The following GPR35 variants were observed in gnomAD, a reference collection of about 807,000 sequenced individuals.
The protein encoded by GPR35 is G protein-coupled receptor 35.
For synonymous variants in GPR35, 207 were observed against 198.4 expected, an observed-to-expected ratio of 1.04 and a Z score of -0.36; for missense variants, 372 against 422.5, an observed-to-expected ratio of 0.88 and a Z score of 1.05.
chr2:240,631,211 C>T lies in GPR35; in HGVS notation c.*329C>T, dbSNP rs545096104. 227 of 352,150 alleles carry T rather than the reference C, an allele frequency of 6.4e-4. No individual in the cohort carries two copies. The highest frequency in any genetic ancestry group is 9.5e-4 in the Non-Finnish European group (174 of 183,700). 21.8% of individuals were successfully genotyped at this position (352,150 alleles called of 1,614,324 possible). A position where few individuals can be genotyped will look rare whatever the true frequency, so the allele number is the denominator to read the frequency against. ...AGGGTGCAGCCTTGATGACACCTGC[C>T]GCTGCCCCTCGGGGCTGGAATAAAA... On this transcript the variant is annotated 3_prime_UTR_variant, in exon 2 of 2. Transcript: ENST00000407714.
chr2:240,630,325 C>T lies in GPR35; in HGVS notation c.373C>T (p.Arg125Cys), dbSNP rs34778053. The T allele has an allele frequency of 7.5e-5, 119 of 1,592,982 alleles. No homozygotes were observed. Among genetic ancestry groups the T allele is most frequent in the Middle Eastern group, 5.0e-4 (3 of 5,996 alleles). ...YVAVRHPLRA[R>C]GLRSPRQAAA... is the part of the protein sequence containing the mutation. Reference sequence around the variant, plus strand: ...GGCCGTGCGGCACCCGCTGCGTGCCCGCGGGCTGCGGTCCCCCAGGCAGGC... The same window carrying T: ...GGCCGTGCGGCACCCGCTGCGTGCCTGCGGGCTGCGGTCCCCCAGGCAGGC... Residue 125 changes from arginine (R) to cysteine (C), a missense_variant, in exon 2 of 2, where the codon CGC (arginine) becomes TGC (cysteine). Transcript: ENST00000407714.
chr2:240,616,894 A>G (rs1420528386), intron 3 of GPR35: 1 of 749,112 alleles, frequency 1.3e-6, no homozygotes, highest in Non-Finnish European at 2.5e-6. Flanking sequence ...AGGCATGGCC[A>G]GTAAGGAACT....
chr2:240,623,354 CAGGTCGTGA>C (rs1213602685), upstream of GPR35, among the ~76,000 whole-genome samples: 1 of 138,276 alleles, frequency 7.2e-6, no homozygotes, highest in Admixed American at 7.1e-5. Context: ...AGGGCGCAAA[CAGGTCGTGA>C]GGGCGCAAAC....
intron 2 of GPR35, among the ~76,000 whole-genome samples, chr2:240,609,943 C>G (rs558967825): frequency 2.0e-5 from 3 of 151,782 alleles, no homozygotes; most frequent in African/African-American, 7.2e-5. Flanking sequence ...ATGAATTGAC[C>G]CTTTTTTCAT....
rs141407998 is a variant in GPR35, at chr2:240,630,210, G to A, written c.258G>A (p.Thr86=). The part of the protein sequence containing the change: ...VLHSLRDTSD[T]PLCQLSQGIY... The stretch of plus-strand genomic sequence containing the variant: ...ACTCCCTGCGAGACACCTCAGACAC[G>A]CCGCTGTGCCAGCTCTCCCAGGGCA... The change falls in exon 2 of 2, where the codon ACG becomes ACA. Residue 86 remains threonine, a synonymous_variant. Transcript: ENST00000407714. 3.2e-5 allele frequency: 51 copies of A among 1,573,520 alleles called. No homozygotes were observed. Among genetic ancestry groups the A allele is most frequent in the Admixed American group, 6.8e-5 (4 of 59,076 alleles).
At chr2:240,622,736 T>TC (rs1254865310), upstream of GPR35, among the ~76,000 whole-genome samples, 1 of 152,076 alleles carries the variant, frequency 6.6e-6, no homozygotes, top group Non-Finnish European at 1.5e-5. Context: ...GCTCCTCGCG[T>TC]CACACATACA....
chr2:240,624,322 G>A (rs4676410), upstream of GPR35, among the ~76,000 whole-genome samples: 39,255 of 152,026 alleles, frequency 0.26, 5,465 homozygotes, highest in Admixed American at 0.36. Context: ...ACCCAAGGGC[G>A]CACACTGGGG....
At chr2:240,627,246 G>A (rs1416553959) in intron 1 of GPR35, among the ~76,000 whole-genome samples, 1 of 152,210 alleles carries the variant, frequency 6.6e-6, no homozygotes, top group African/African-American at 2.4e-5. Context: ...TGCTGGCCAT[G>A]TTAGCTCCCA....
chr2:240,629,415 G>A (rs1228004321), intron 1 of GPR35: 1 of 154,620 alleles, frequency 6.5e-6, no homozygotes, highest in Non-Finnish European at 1.4e-5. Flanking sequence ...TCTGCTGTGG[G>A]GAAGGGCTGA....
At chr2:240,611,654 T>G (rs942255295) in intron 2 of GPR35, among the ~76,000 whole-genome samples, 2 of 152,014 alleles carry the variant, frequency 1.3e-5, no homozygotes, top group Non-Finnish European at 2.9e-5. Flanking sequence ...GAAGATTAGT[T>G]TGGGGAGTGA....
intron 1 of GPR35, among the ~76,000 whole-genome samples, chr2:240,626,045 T>C (rs974793225): frequency 3.7e-3 from 22 of 5,986 alleles, no homozygotes; most frequent in African/African-American, 5.5e-3. Context: ...GGTCTCAGAG[T>C]GGGGTGAGGC....
At chr2:240,616,472 T>A (rs758634561) in exon 3 of GPR35, 3 of 780,872 alleles carry the variant, frequency 3.8e-6, no homozygotes, top group Admixed American at 3.4e-5. Context: ...GCCAATCTCC[T>A]GTCGACTGCG....
rs2043439068 is a variant in GPR35, at chr2:240,630,854, A to G, written c.902A>G (p.Gln301Arg). 1.2e-6 allele frequency: 2 copies of G among 1,612,888 alleles called. No homozygotes were observed. Among genetic ancestry groups the G allele is most frequent in the Non-Finnish European group, 1.7e-6 (2 of 1,179,940 alleles). The stretch of plus-strand genomic sequence containing the variant: ...CCCAGTGCTAAGGCCCACAAAAGCC[A>G]GGACTCTCTGTGCGTGACCCTCGCC... ...VAPSAKAHKS[Q>R]DSLCVTLA Residue 301 changes from glutamine to arginine, a missense_variant, in exon 2 of 2, where the codon CAG becomes CGG. Transcript: ENST00000407714.
Position 240,630,623 on chromosome 2 carries a change from T to C in GPR35, c.671T>C (p.Leu224Pro), listed in dbSNP as rs768941519. ...KAARMVWANL[L>P]VFVVCFLPLH... ...GCCCGCATGGTCTGGGCCAACCTCC[T>C]GGTGTTCGTGGTCTGCTTCCTGCCC... The change falls in exon 2 of 2, where the codon CTG (leucine) becomes CCG (proline). Residue 224 changes from leucine (L) to proline (P), a missense_variant. Physicochemically the swap from Leu to Pro is moderately conservative, Grantham distance 98. Transcript: ENST00000407714. 3 of 1,612,926 alleles carry C rather than the reference T, an allele frequency of 1.9e-6. No homozygotes were observed. Among genetic ancestry groups the C allele is most frequent in the East Asian group, 2.2e-5 (1 of 44,880 alleles).
intron 3 of GPR35, chr2:240,616,533 C>T: frequency 1.3e-6 from 1 of 777,046 alleles, no homozygotes; most frequent in South Asian, 1.3e-5. Context: ...GGTTTTTTGA[C>T]AAGCCCACTT....
rs547493172 is a variant in GPR35 at position 240,630,072 on chromosome 2, G to A, written c.120G>A (p.Leu40=). 2 of 1,611,632 alleles carry A rather than the reference G, an allele frequency of 1.2e-6. No individual in the cohort carries two copies. Among genetic ancestry groups the A allele is most frequent in the East Asian group, 2.2e-5 (1 of 44,872 alleles). ...LLVLGLLLNS[L]ALWVFCCRMQ... is the part of the protein sequence containing the mutation. ...TGCTAGGCCTGCTGCTCAACAGCCTGGCGCTCTGGGTGTTCTGCTGCCGCA... is the reference window on the plus strand; with the variant it reads ...TGCTAGGCCTGCTGCTCAACAGCCTAGCGCTCTGGGTGTTCTGCTGCCGCA... Residue 40 remains leucine (L), a synonymous_variant, in exon 2 of 2, where the codon CTG becomes CTA. Transcript: ENST00000407714.
chr2:240,619,605 CG>C (rs2043271264), intron 5 of GPR35, among the ~76,000 whole-genome samples: 2 of 152,240 alleles, frequency 1.3e-5, no homozygotes, highest in South Asian at 4.1e-4. Context: ...CCGGGGAGGA[CG>C]TGGGGAAAAT....
intron 4 of GPR35, chr2:240,618,845 C>A: frequency 1.6e-6 from 1 of 609,402 alleles, no homozygotes; most frequent in South Asian, 1.9e-5. Flanking sequence ...TGGAGATGAC[C>A]ATATGACAGT....
chr2:240,615,481 A>G (rs905154546), intron 2 of GPR35, among the ~76,000 whole-genome samples: 4 of 152,138 alleles, frequency 2.6e-5, no homozygotes, highest in Admixed American at 6.5e-5. Context: ...TTTGGTTTTG[A>G]CCTTTTATTT....
Sources: gnomAD v4.1 joint callset for allele counts (sites outside exome capture counted in the v4.1 genomes callset) on GRCh38, gnomAD v4.1.1 for gene constraint, MANE v1.5 for transcripts, NCBI Gene and HGNC (gene_info 2026-07-23, HGNC 2026-07-21) for gene names.